OR51A4: variants seen among roughly 807,000 people sequenced by gnomAD.
The protein encoded by OR51A4 is olfactory receptor family 51 subfamily A member 4, also known as olfactory receptor 51A4.
For missense variants in OR51A4, 243 were observed against 364.0 expected, an observed-to-expected ratio of 0.67 and a Z score of 2.70; for synonymous variants, 96 against 141.5, an observed-to-expected ratio of 0.68 and a Z score of 2.28.
In OR51A4 at chr11:4,946,772, G is replaced by T. The variant is rs1846316666; in HGVS notation, c.329C>A (p.Ser110Ter). 1.9e-6 allele frequency: 3 copies of T among 1,587,456 alleles called. 1 individual carries two copies. The highest frequency in any genetic ancestry group is 1.7e-5 in the Admixed American group (1 of 59,240). The change falls in exon 2 of 2, where the codon TCA (serine) becomes TAA (stop). Residue 110 changes from serine to a stop codon, truncating the protein, a stop_gained. Coordinates refer to ENST00000641898, the MANE Select transcript of OR51A4 (RefSeq NM_001005329.2). LOFTEE classifies it low-confidence loss of function (END_TRUNC). Reference sequence around the variant, plus strand: ...CAGGAGGACTGAGGACTCCAGTACTGAGAATCCATGAATGAAGAATTCCTG... The same window carrying T: ...CAGGAGGACTGAGGACTCCAGTACTTAGAATCCATGAATGAAGAATTCCTG... ...FAQEFFIHGF[S>*]VLESSVLLIM... is the part of the protein sequence containing the mutation.
chr11:4,946,195 C>G lies in OR51A4; in HGVS notation c.906G>C (p.Val302=). Residue 302 remains valine, a synonymous_variant, in exon 2 of 2, where the codon GTG becomes GTC. Coordinates refer to ENST00000641898, the MANE Select transcript of OR51A4 (RefSeq NM_001005329.2). ...GTTGACACAATTTTGCTACAACTCT[C>G]ACTCTAATCTGTTTAGTTTTTACAC... ...VYCVKTKQIR[V]RVVAKLCQRK... is the part of the protein sequence containing the mutation. The G allele has an allele frequency of 1.9e-6, 3 of 1,614,002 alleles. No homozygotes were observed. The highest frequency in any genetic ancestry group is 2.5e-6 in the Non-Finnish European group (3 of 1,179,994).
chr11:4,946,879 A>C lies in OR51A4; in HGVS notation c.222T>G (p.Gly74=), dbSNP rs1364078693. 1 of 1,606,088 alleles carries C rather than the reference A, an allele frequency of 6.2e-7. No individual in the cohort carries two copies. Among genetic ancestry groups the C allele is most frequent in the East Asian group, 2.2e-5 (1 of 44,864 alleles). The change falls in exon 2 of 2, where the codon GGT becomes GGG. Residue 74 remains glycine (G), a synonymous_variant. Transcript: ENST00000641898. ...FLSMLAMSDL[G]LSLSSLPTVL... ...CAGTGGGCAGAGATGATAAAGACAA[A>C]CCCAAGTCTGACATAGCCAACATGG...
chr11:4,945,694 A>G lies in OR51A4; in HGVS notation c.*465T>C, dbSNP rs1589947185. 4 of 204,802 alleles carry G rather than the reference A, an allele frequency of 2.0e-5. No individual in the cohort carries two copies. The East Asian group carries it at 5.4e-4, about 28-fold the overall frequency. The allele number at this position is 204,802 out of a possible 1,614,324, so 12.7% of individuals were successfully genotyped here. On this transcript the variant is annotated 3_prime_UTR_variant, in exon 2 of 2. Transcript: ENST00000641898. Reference sequence around the variant, plus strand: ...TATGCTCACTACCCGGGTCCCATATAACCATGTAAAAATCCAGCACATGTA... The same window carrying G: ...TATGCTCACTACCCGGGTCCCATATGACCATGTAAAAATCCAGCACATGTA...
rs759339034 is a variant in OR51A4 at position 4,945,661 on chromosome 11, T to C, written c.*498A>G. ...CAGGATTGGACTGAAAAACTATCTATTGGGTACTATGCTCACTACCCGGGT... is the reference window on the plus strand; with the variant it reads ...CAGGATTGGACTGAAAAACTATCTACTGGGTACTATGCTCACTACCCGGGT... On this transcript the variant is annotated 3_prime_UTR_variant, in exon 2 of 2. Coordinates refer to ENST00000641898, the MANE Select transcript of OR51A4 (RefSeq NM_001005329.2). 1.8e-5 allele frequency: 3 copies of C among 169,582 alleles called. No individual in the cohort carries two copies. Among genetic ancestry groups the C allele is most frequent in the African/African-American group, 4.8e-5 (2 of 41,512 alleles). 10.5% of individuals were successfully genotyped at this position (169,582 alleles called of 1,614,324 possible). A position where few individuals can be genotyped will look rare whatever the true frequency, so the allele number is the denominator to read the frequency against.
At position 4,943,931 on chromosome 11, in the gene OR51A4, A is replaced by T. The variant is rs541120745; in HGVS notation, c.*2228T>A. 1.9e-5 allele frequency: 8 copies of T among 420,042 alleles called. No individual in the cohort carries two copies. Among genetic ancestry groups the T allele is most frequent in the African/African-American group, 4.1e-5 (2 of 48,304 alleles). 26.0% of individuals were successfully genotyped at this position (420,042 alleles called of 1,614,324 possible). On this transcript the variant is annotated 3_prime_UTR_variant, in exon 2 of 2. Coordinates refer to ENST00000641898, the MANE Select transcript of OR51A4 (RefSeq NM_001005329.2). ...CATCTATGTACAATATCCTGAAAGAATAAGATGCTATTAAAGCCACCTAAT... is the reference window on the plus strand; with the variant it reads ...CATCTATGTACAATATCCTGAAAGATTAAGATGCTATTAAAGCCACCTAAT...
chr11:4,947,090 A>G lies in OR51A4; in HGVS notation c.11T>C (p.Ile4Thr). The change falls in exon 2 of 2, where the codon ATC becomes ACC. Residue 4 changes from isoleucine (I) to threonine (T), a missense_variant. By Grantham distance (89) the Ile-to-Thr change is moderately conservative (BLOSUM62 -1). Coordinates refer to ENST00000641898, the MANE Select transcript of OR51A4 (RefSeq NM_001005329.2). MSI[I>T]NTSYVEITTF... ...GGTGATTTCAACATATGATGTGTTG[A>G]TAATGGACATGATTCATTCATAGGG... 6.9e-7 allele frequency: 1 copy of G among 1,456,482 alleles called. No homozygotes were observed. Among genetic ancestry groups the G allele is most frequent in the South Asian group, 1.2e-5 (1 of 85,772 alleles). The allele number at this position is 1,456,482 out of a possible 1,614,324, so 90.2% of individuals were successfully genotyped here.
Position 4,945,381 on chromosome 11 carries a change from A to C in OR51A4, c.*778T>G, listed in dbSNP as rs1403307343. 6.6e-6 allele frequency: 1 copy of C among 152,210 alleles called. No homozygotes were observed. Among genetic ancestry groups the C allele is most frequent in the Non-Finnish European group, 1.5e-5 (1 of 68,046 alleles). 9.4% of individuals were successfully genotyped at this position (152,210 alleles called of 1,614,324 possible). ...AGTAGGTTGATGTGGCTGGAGATTA[A>C]TGAGTATCTGACGACGTTGAGTAAG... is the stretch of plus-strand genomic sequence containing the variant. On this transcript the variant is annotated 3_prime_UTR_variant, in exon 2 of 2. Coordinates refer to ENST00000641898, the MANE Select transcript of OR51A4 (RefSeq NM_001005329.2).
Position 4,943,856 on chromosome 11 carries a change from C to T in OR51A4, c.*2303G>A, listed in dbSNP as rs772848553. ...TATTTTTCATTTCATTTTATTAAGA[C>T]TGTCAAAAACCCCTAAAATACAGAT... On this transcript the variant is annotated 3_prime_UTR_variant, in exon 2 of 2. Coordinates refer to ENST00000641898, the MANE Select transcript of OR51A4 (RefSeq NM_001005329.2). 2.2e-6 allele frequency: 1 copy of T among 449,186 alleles called. No individual in the cohort carries two copies. The highest frequency in any genetic ancestry group is 2.4e-5 in the Admixed American group (1 of 41,602). The allele number at this position is 449,186 out of a possible 1,614,324, so 27.8% of individuals were successfully genotyped here. A position where few individuals can be genotyped will look rare whatever the true frequency, so the allele number is the denominator to read the frequency against.
chr11:4,946,583 T>C lies in OR51A4; in HGVS notation c.518A>G (p.Lys173Arg). 6.3e-7 allele frequency: 1 copy of C among 1,578,432 alleles called. No homozygotes were observed. The highest frequency in any genetic ancestry group is 1.1e-5 in the South Asian group (1 of 90,280). ...ACAGTAGGAATGGGATAATTGGTTT[T>C]TCTTGCAATATCTCAAGTTTCTTAA... ...FTLRNLRYCKKNQLSHSYCLH... is the reference protein window; with the variant it reads ...FTLRNLRYCKRNQLSHSYCLH... The change falls in exon 2 of 2, where the codon AAA becomes AGA. Residue 173 changes from lysine (K) to arginine (R), a missense_variant. Coordinates refer to ENST00000641898, the MANE Select transcript of OR51A4 (RefSeq NM_001005329.2).
rs1291381631 is a variant in OR51A4, at chr11:4,944,714, A to C, written c.*1445T>G. 1.3e-5 allele frequency: 2 copies of C among 152,178 alleles called. No homozygotes were observed. The highest frequency in any genetic ancestry group is 4.8e-5 in the African/African-American group (2 of 41,444). 9.4% of individuals were successfully genotyped at this position (152,178 alleles called of 1,614,324 possible). On this transcript the variant is annotated 3_prime_UTR_variant, in exon 2 of 2. Transcript: ENST00000641898. Reference sequence around the variant, plus strand: ...GCAAGATTTTGAGGTCATATTAGGAAGGAAAGTTGGACAATTTTTCAGCCA... The same window carrying C: ...GCAAGATTTTGAGGTCATATTAGGACGGAAAGTTGGACAATTTTTCAGCCA...
rs1846273485 is a variant in OR51A4, at chr11:4,945,083, T to C, written c.*1076A>G. The C allele has an allele frequency of 1.3e-5, 2 of 152,000 alleles. No homozygotes were observed. The highest frequency in any genetic ancestry group is 2.1e-4 in the South Asian group (1 of 4,812). The allele number at this position is 152,000 out of a possible 1,614,324, so 9.4% of individuals were successfully genotyped here. ...AGAAATGAAATAAGGATAAAATATA[T>C]CTGTAATTGCAAATATTAAGTATAA... On this transcript the variant is annotated 3_prime_UTR_variant, in exon 2 of 2. Coordinates refer to ENST00000641898, the MANE Select transcript of OR51A4 (RefSeq NM_001005329.2).
Position 4,944,413 on chromosome 11 carries a change from G to A in OR51A4, c.*1746C>T, listed in dbSNP as rs2595990. 133,453 of 160,076 alleles carry A rather than the reference G, an allele frequency of 0.83. 55,801 individuals are homozygous for A. Among genetic ancestry groups the A allele is most frequent in the Middle Eastern group, 0.9 (293 of 324 alleles). The allele number at this position is 160,076 out of a possible 1,614,324, so 9.9% of individuals were successfully genotyped here. ...ATAAAAAGCTGGGTCATTGTTGAGAGCAAATTTTTAAAATGCCTAAAAAGA... is the reference window on the plus strand; with the variant it reads ...ATAAAAAGCTGGGTCATTGTTGAGAACAAATTTTTAAAATGCCTAAAAAGA... On this transcript the variant is annotated 3_prime_UTR_variant, in exon 2 of 2. Coordinates refer to ENST00000641898, the MANE Select transcript of OR51A4 (RefSeq NM_001005329.2).
In OR51A4 at chr11:4,944,934, C is replaced by A. The variant is rs1466343791; in HGVS notation, c.*1225G>T. 8 of 152,002 alleles carry A rather than the reference C, an allele frequency of 5.3e-5. No individual in the cohort carries two copies. Among genetic ancestry groups the A allele is most frequent in the Non-Finnish European group, 1.0e-4 (7 of 67,976 alleles). 9.4% of individuals were successfully genotyped at this position (152,002 alleles called of 1,614,324 possible). On this transcript the variant is annotated 3_prime_UTR_variant, in exon 2 of 2. Coordinates refer to ENST00000641898, the MANE Select transcript of OR51A4 (RefSeq NM_001005329.2). ...ACATGGTCTTATTTTTAAATTCATT[C>A]ATTAGCAATTATTTATTAAAATCTA...
Position 4,946,181 on chromosome 11 carries a change from T to C in OR51A4, c.920A>G (p.Lys307Arg), listed in dbSNP as rs766798981. 2.5e-6 allele frequency: 4 copies of C among 1,613,996 alleles called. No homozygotes were observed. In the Admixed American group the frequency reaches 6.7e-5, roughly 27 times the overall value. The change falls in exon 2 of 2, where the codon AAA becomes AGA. Residue 307 changes from lysine to arginine, a missense_variant. Physicochemically the swap from Lys to Arg is conservative, Grantham distance 26. Transcript: ENST00000641898. ...TKQIRVRVVA[K>R]LCQRKI is the part of the protein sequence containing the mutation. ...CTGTTAAATCTTCCGTTGACACAAT[T>C]TTGCTACAACTCTCACTCTAATCTG...
rs986679951 is a variant in OR51A4 at position 4,943,445 on chromosome 11, G to A, written c.*2714C>T. 1.1e-5 allele frequency: 5 copies of A among 455,450 alleles called. No homozygotes were observed. The highest frequency in any genetic ancestry group is 2.2e-5 in the Non-Finnish European group (5 of 226,352). 28.2% of individuals were successfully genotyped at this position (455,450 alleles called of 1,614,324 possible). On this transcript the variant is annotated 3_prime_UTR_variant, in exon 2 of 2. Transcript: ENST00000641898. Reference sequence around the variant, plus strand: ...CTCAAGGTAATTTGTTTAACCATGGGGCTTAATCATTTGTTATTTGATAGT... The same window carrying A: ...CTCAAGGTAATTTGTTTAACCATGGAGCTTAATCATTTGTTATTTGATAGT...
At position 4,947,018 on chromosome 11, in the gene OR51A4, C is replaced by T. The variant is rs1450846406; in HGVS notation, c.83G>A (p.Trp28Ter). 6.3e-7 allele frequency: 1 copy of T among 1,584,482 alleles called. No individual in the cohort carries two copies. The highest frequency in any genetic ancestry group is 8.6e-7 in the Non-Finnish European group (1 of 1,159,754). The part of the protein sequence containing the change: ...GMPGLEYAHI[W>*]ISIPICSMYL... ...CATGCTGCAGATGGGGATAGAGATC[C>T]AGATGTGTGCATATTCTAGCCCTGG... The change falls in exon 2 of 2, where the codon TGG becomes TAG. Residue 28 changes from tryptophan to a stop codon, truncating the protein, a stop_gained. Transcript: ENST00000641898. LOFTEE classifies it low-confidence loss of function (END_TRUNC).
Position 4,944,759 on chromosome 11 carries a change from T to C in OR51A4, c.*1400A>G, listed in dbSNP as rs951391343. The C allele has an allele frequency of 6.6e-6, 1 of 152,066 alleles. No individual in the cohort carries two copies. The highest frequency in any genetic ancestry group is 2.4e-5 in the African/African-American group (1 of 41,366). The allele number at this position is 152,066 out of a possible 1,614,324, so 9.4% of individuals were successfully genotyped here. A position where few individuals can be genotyped will look rare whatever the true frequency, so the allele number is the denominator to read the frequency against. On this transcript the variant is annotated 3_prime_UTR_variant, in exon 2 of 2. Coordinates refer to ENST00000641898, the MANE Select transcript of OR51A4 (RefSeq NM_001005329.2). The stretch of plus-strand genomic sequence containing the variant: ...CAGCCACAAATCCAAGGCAATAAAT[T>C]TGTCTTTAACATCATATCTTTTTTT...
rs1846245152 is a variant in OR51A4 at position 4,943,377 on chromosome 11, A to T, written c.*2782T>A. 2 of 384,416 alleles carry T rather than the reference A, an allele frequency of 5.2e-6. No homozygotes were observed. The highest frequency in any genetic ancestry group is 6.2e-5 in the Admixed American group (2 of 32,276). 23.8% of individuals were successfully genotyped at this position (384,416 alleles called of 1,614,324 possible). A position where few individuals can be genotyped will look rare whatever the true frequency, so the allele number is the denominator to read the frequency against. ...TTTTCACTGGTTTCCTTTCTGAGGA[A>T]CTTCTCTGGTATCAGATTGCCCCTA... On this transcript the variant is annotated 3_prime_UTR_variant, in exon 2 of 2. Transcript: ENST00000641898.
Position 4,946,294 on chromosome 11 carries a change from G to A in OR51A4, c.807C>T (p.Val269=). The change falls in exon 2 of 2, where the codon GTC becomes GTT. Residue 269 remains valine, a synonymous_variant. Transcript: ENST00000641898. ...LAVVHRFARH[V]SPLINVLMAN... ...CCATGAGAACATTAATGAGGGGAGA[G>A]ACATGCCGGGCAAAGCGGTGGACAA... The A allele has an allele frequency of 6.2e-7, 1 of 1,613,796 alleles. No homozygotes were observed. The highest frequency in any genetic ancestry group is 1.7e-5 in the Admixed American group (1 of 60,018).
Sources: allele counts gnomAD v4.1 joint callset, GRCh38; gene constraint gnomAD v4.1.1; transcripts MANE v1.5; gene names NCBI Gene and HGNC (gene_info 2026-07-23, HGNC 2026-07-21).